RNF152: variants seen among roughly 807,000 people sequenced by gnomAD.
The protein encoded by RNF152 is ring finger protein 152, also known as E3 ubiquitin-protein ligase RNF152.
RNF152 carries 11 observed loss-of-function variants against 12.7 expected under a neutral mutation model. That is an observed-to-expected ratio of 0.86 (90% CI 0.54 to 1.43). The LOEUF (loss-of-function observed/expected upper bound fraction) is 1.43. RNF152 is among the 40% of genes most tolerant of loss of function. RNF152 has a pLI of 0.00. For missense variants in RNF152, 255 were observed against 274.8 expected (o/e 0.93, Z 0.51); for synonymous variants, 113 against 120.3 (o/e 0.94, Z 0.40).
chr18:61,862,705 T>C (rs1911544537), intron 1 of RNF152, among the ~76,000 whole-genome samples: 1 of 152,212 alleles, frequency 6.6e-6, no homozygotes, highest in African/African-American at 2.4e-5. Context: ...CAATATCTTT[T>C]ACAATAAACC....
At chr18:61,834,031 T>C (rs1568270022) in intron 1 of RNF152, among the ~76,000 whole-genome samples, 1 of 152,234 alleles carries the variant, frequency 6.6e-6, no homozygotes, top group East Asian at 1.9e-4. Context: ...AACCATCCAA[T>C]GCTTTATTAA....
chr18:61,871,812 C>T (rs1336692142), intron 1 of RNF152, among the ~76,000 whole-genome samples: 1 of 152,094 alleles, frequency 6.6e-6, no homozygotes, highest in Non-Finnish European at 1.5e-5. Flanking sequence ...GGTTTTACAA[C>T]TATAAAATAA....
intron 1 of RNF152, among the ~76,000 whole-genome samples, chr18:61,854,118 T>C (rs1163351850): frequency 6.6e-6 from 1 of 152,206 alleles, no homozygotes; most frequent in Non-Finnish European, 1.5e-5. Context: ...GACAAGGTGA[T>C]GTTTGCAATA....
intron 1 of RNF152, among the ~76,000 whole-genome samples, chr18:61,820,068 G>A (rs1272725684): frequency 1.2e-4 from 18 of 146,144 alleles, no homozygotes; most frequent in Admixed American, 7.6e-4. Flanking sequence ...GGTGGCTCAC[G>A]CCTGTAATCC....
intron 1 of RNF152, among the ~76,000 whole-genome samples, chr18:61,892,343 C>G (rs1383060118): frequency 6.6e-6 from 1 of 152,164 alleles, no homozygotes; most frequent in Non-Finnish European, 1.5e-5. Context: ...GTATTTCATA[C>G]GAAGGTCACT....
intron 1 of RNF152, among the ~76,000 whole-genome samples, chr18:61,856,354 A>C (rs1911227027): frequency 6.6e-6 from 1 of 152,266 alleles, no homozygotes; most frequent in East Asian, 1.9e-4. Flanking sequence ...CCCAAGAGTT[A>C]ATTTTAAAGA....
At chr18:61,858,060 C>G (rs1283732469) in intron 1 of RNF152, among the ~76,000 whole-genome samples, 1 of 152,186 alleles carries the variant, frequency 6.6e-6, no homozygotes, top group Admixed American at 6.5e-5. Flanking sequence ...AGACAATTGT[C>G]TGTCCTTCTG....
rs961694707 is a variant in RNF152, at chr18:61,808,961, CAT to C, written c.*6889_*6890del. The C allele has an allele frequency of 2.0e-5, 3 of 152,354 alleles. No homozygotes were observed. The highest frequency in any genetic ancestry group is 1.9e-4 in the East Asian group (1 of 5,172). The allele number at this position is 152,354 out of a possible 1,614,324, so 9.4% of individuals were successfully genotyped here. ...CTCATGAGCTGAGCACATTACCCCA[CAT>C]GTCTTCAACTGAAGCATCCTGAATT... On this transcript the variant is annotated 3_prime_UTR_variant, in exon 2 of 2. Coordinates refer to ENST00000312828, the MANE Select transcript of RNF152 (RefSeq NM_173557.3).
intron 1 of RNF152, among the ~76,000 whole-genome samples, chr18:61,873,689 C>A (rs1017600228): frequency 4.6e-5 from 7 of 152,172 alleles, no homozygotes; most frequent in African/African-American, 1.7e-4. Flanking sequence ...GTGGGGTTAC[C>A]ACCACCATTT....
At chr18:61,835,602 A>C (rs1910144452) in intron 1 of RNF152, among the ~76,000 whole-genome samples, 1 of 152,234 alleles carries the variant, frequency 6.6e-6, no homozygotes, top group African/African-American at 2.4e-5. Flanking sequence ...ACATATCAAA[A>C]ATAATAAATT....
intron 1 of RNF152, among the ~76,000 whole-genome samples, chr18:61,830,597 C>T (rs1029522527): frequency 1.4e-4 from 21 of 152,054 alleles, no homozygotes; most frequent in African/African-American, 4.6e-4. Flanking sequence ...GAGTAATATT[C>T]AATTGTGTAT....
At chr18:61,864,319 C>T (rs979663415) in intron 1 of RNF152, among the ~76,000 whole-genome samples, 2 of 152,132 alleles carry the variant, frequency 1.3e-5, no homozygotes, top group African/African-American at 4.8e-5. Flanking sequence ...CTTGTGAGAA[C>T]GGCTAGCAGA....
chr18:61,827,987 C>T (rs776378115), intron 1 of RNF152, among the ~76,000 whole-genome samples: 29 of 152,232 alleles, frequency 1.9e-4, no homozygotes, highest in Non-Finnish European at 2.2e-4. Context: ...CAGATTTCTC[C>T]TCTTGCTTTC....
intron 1 of RNF152, among the ~76,000 whole-genome samples, chr18:61,880,279 T>C (rs116777983): frequency 2.0e-5 from 3 of 152,182 alleles, no homozygotes; most frequent in Non-Finnish European, 4.4e-5. Flanking sequence ...TTGTCCATCT[T>C]TGTTCCCAAA....
chr18:61,828,254 T>C (rs1162860092), intron 1 of RNF152, among the ~76,000 whole-genome samples: 1 of 152,162 alleles, frequency 6.6e-6, no homozygotes, highest in African/African-American at 2.4e-5. Flanking sequence ...CTTCCTTTCT[T>C]TTTTAAGAGA....
intron 1 of RNF152, among the ~76,000 whole-genome samples, chr18:61,882,020 A>C (rs1290982860): frequency 6.6e-6 from 1 of 152,254 alleles, no homozygotes; most frequent in African/African-American, 2.4e-5. Context: ...AGTAAACTAC[A>C]GTTGAGCATT....
At chr18:61,861,194 TCCACTCA>T (rs139198882) in intron 1 of RNF152, among the ~76,000 whole-genome samples, 4,868 of 152,302 alleles carry the variant, frequency 0.032, 261 homozygotes, top group African/African-American at 0.11. Flanking sequence ...GGCCATCACA[TCCACTCA>T]CCACTCACAT....
At chr18:61,845,915 T>A (rs1416889437) in intron 1 of RNF152, among the ~76,000 whole-genome samples, 4 of 149,682 alleles carry the variant, frequency 2.7e-5, no homozygotes. Context: ...AGGTGGGGCT[T>A]TGTGTGGGGG....
At position 61,832,364 on chromosome 18, in the gene RNF152, A is replaced by T. The variant is rs1202594676; in HGVS notation, c.-135-15766T>A. ...AACTAAAACTACTTTAAAAGTAAAA[A>T]TGTCTATTTTTACAATATAAAATAT... On this transcript the variant is annotated intron_variant, in intron 1 of 1. Coordinates refer to ENST00000312828, the MANE Select transcript of RNF152 (RefSeq NM_173557.3). Among the ~76,000 whole-genome samples, 3 of 152,228 alleles carry T rather than the reference A, an allele frequency of 2.0e-5. No individual in the cohort carries two copies. In the East Asian group the frequency reaches 5.8e-4, roughly 29 times the overall value.
Sources: allele counts gnomAD v4.1 joint callset (sites outside exome capture counted in the v4.1 genomes callset), GRCh38; gene constraint gnomAD v4.1.1; transcripts MANE v1.5; gene names NCBI Gene and HGNC (gene_info 2026-07-23, HGNC 2026-07-21).